Variants in USP40 observed in about 807,000 individuals in gnomAD.
USP40 encodes ubiquitin specific peptidase 40.
Under a neutral mutation model 166.2 loss-of-function variants are expected in USP40, and 143 were observed. The ratio of observed to expected loss-of-function variants is 0.86; its 90% CI spans 0.75 to 0.99. The LOEUF is 0.99. USP40 is among the 50% of genes least tolerant of loss of function. The pLI, the probability that USP40 is intolerant of heterozygous loss-of-function variation, is 0.00. For synonymous variants in USP40, 498 were observed against 524.0 expected, an observed-to-expected ratio of 0.95 and a Z score of 0.68; for missense variants, 1,444 against 1,479.7, an observed-to-expected ratio of 0.98 and a Z score of 0.40.
intron 18 of USP40, among the ~76,000 whole-genome samples, chr2:233,517,972 A>G (rs2067356084): frequency 1.3e-5 from 2 of 150,514 alleles, no homozygotes; most frequent in Admixed American, 6.6e-5. Context: ...GTGGGAGCTA[A>G]GCTATGAGGA....
intron 20 of USP40, 135 bp from the exon 21 acceptor site, chr2:233,510,270 C>T (rs375955795): frequency 1.1e-4 from 72 of 630,646 alleles, no homozygotes; most frequent in African/African-American, 2.4e-4. Context: ...TATGAAAATA[C>T]GACTATGATT....
intron 18 of USP40, among the ~76,000 whole-genome samples, chr2:233,516,036 C>T (rs370630141): frequency 2.0e-5 from 3 of 152,180 alleles, no homozygotes; most frequent in African/African-American, 7.2e-5. Flanking sequence ...ATATTTTAGG[C>T]TTCACGGGCC....
chr2:233,498,692 G>T (rs1396154789), intron 22 of USP40, 80 bp from the exon 23 acceptor site: 2 of 1,136,934 alleles, frequency 1.8e-6, no homozygotes, highest in African/African-American at 3.1e-5. Context: ...AGAATGTCTT[G>T]CACCCAGAGC....
chr2:233,524,547 A>G lies in USP40; in HGVS notation c.1826T>C (p.Leu609Pro), dbSNP rs1404521075. The change falls in exon 15 of 32, where the codon CTG (leucine) becomes CCG (proline). Residue 609 changes from leucine to proline, a missense_variant. Coordinates refer to ENST00000678225, the MANE Select transcript of USP40 (RefSeq NM_001365479.2). ...YQSLGGDELT[L>P]CETEIADGED... ...CCCATCAGCAATTTCAGTTTCACAC[A>G]GTGTCAGTTCATCCCCTAGAAAGAG... The G allele has an allele frequency of 6.2e-7, 1 of 1,603,990 alleles. No homozygotes were observed. Among genetic ancestry groups the G allele is most frequent in the East Asian group, 2.3e-5 (1 of 44,118 alleles).
chr2:233,517,379 G>GTTTTTTTTTTTTTTTTTTTTTTTTTTTT (rs202226925), intron 18 of USP40, among the ~76,000 whole-genome samples: 2 of 137,140 alleles, frequency 1.5e-5, no homozygotes, highest in Admixed American at 7.3e-5. Flanking sequence ...CACATGCATG[G>GTTTTTTTTTTTTTTTTTTTTTTTTTTTT]TTTTTTGTTT....
At chr2:233,536,195 T>C (rs1270966842) in intron 10 of USP40, among the ~76,000 whole-genome samples, 1 of 152,120 alleles carries the variant, frequency 6.6e-6, no homozygotes, top group Non-Finnish European at 1.5e-5. Context: ...ATTATAAATA[T>C]GTTAAAGAAT....
intron 18 of USP40, among the ~76,000 whole-genome samples, chr2:233,516,862 GAAAA>G (rs774667692): frequency 8.8e-6 from 1 of 113,064 alleles, no homozygotes. Flanking sequence ...GTCTCGAATT[GAAAA>G]AAAAAAAAAA....
At chr2:233,522,800 T>C (rs1399789982) in intron 16 of USP40, among the ~76,000 whole-genome samples, 1 of 152,244 alleles carries the variant, frequency 6.6e-6, no homozygotes, top group Non-Finnish European at 1.5e-5. Context: ...ATAATGTTAA[T>C]ACCTTCTTCA....
intron 3 of USP40, 126 bp from the exon 4 acceptor site, chr2:233,560,050 A>G (rs1020457279): frequency 8.8e-6 from 5 of 565,148 alleles, no homozygotes; most frequent in African/African-American, 5.8e-5. Context: ...TAAATATCCT[A>G]TTATAAGGGA....
chr2:233,551,570 G>C (rs2070566855), intron 6 of USP40, 51 bp from the exon 7 acceptor site: 1 of 1,506,186 alleles, frequency 6.6e-7, no homozygotes, highest in African/African-American at 1.4e-5. Flanking sequence ...TTATATAAAA[G>C]GATACATAAT....
chr2:233,488,826 A>G (rs914725767), intron 27 of USP40, among the ~76,000 whole-genome samples: 1 of 152,126 alleles, frequency 6.6e-6, no homozygotes, highest in Admixed American at 6.5e-5. Context: ...GGATCACTTG[A>G]GCCCAGGAGG....
At chr2:233,514,889 ACTCC>A (rs779698171) in intron 18 of USP40, among the ~76,000 whole-genome samples, 2 of 151,654 alleles carry the variant, frequency 1.3e-5, no homozygotes, top group Non-Finnish European at 2.9e-5. Flanking sequence ...CCCCCCTAAA[ACTCC>A]CTGTCAATTT....
rs2068728885 is a variant in USP40 at position 233,533,775 on chromosome 2, A to G, written c.1175T>C (p.Leu392Ser). Residue 392 changes from leucine to serine, a missense_variant, in exon 11 of 32, where the codon TTA becomes TCA. By Grantham distance (145) the Leu-to-Ser change is moderately radical. Coordinates refer to ENST00000678225, the MANE Select transcript of USP40 (RefSeq NM_001365479.2). ...RKQHGPLRKF[L>S]QLHSQIFLLS... ...TAGAAATATCTGAGAATGGAGCTGT[A>G]AGAACTACACAGAAACAAAAAAAAA... 1.3e-6 allele frequency: 2 copies of G among 1,569,780 alleles called. No individual in the cohort carries two copies. Among genetic ancestry groups the G allele is most frequent in the Admixed American group, 1.9e-5 (1 of 53,002 alleles).
chr2:233,542,480 G>C, intron 8 of USP40, 117 bp from the exon 9 acceptor site: 2 of 600,590 alleles, frequency 3.3e-6, no homozygotes, highest in Non-Finnish European at 5.8e-6. Context: ...GGAGGCCGAG[G>C]CAGAGGGACT....
At chr2:233,490,947 G>A in intron 26 of USP40, 1 of 681,454 alleles carries the variant, frequency 1.5e-6, no homozygotes, top group Non-Finnish European at 2.8e-6. Flanking sequence ...TGAAACAAAA[G>A]CACAGCATGC....
intron 23 of USP40, among the ~76,000 whole-genome samples, 186 bp from the exon 24 acceptor site, chr2:233,497,018 G>A (rs2065786742): frequency 6.6e-6 from 1 of 152,172 alleles, no homozygotes; most frequent in African/African-American, 2.4e-5. Flanking sequence ...AAATTGTGGG[G>A]CATAAGCTGT....
chr2:233,479,872 C>T (rs562449278), intron 31 of USP40, among the ~76,000 whole-genome samples: 97 of 152,242 alleles, frequency 6.4e-4, no homozygotes, highest in South Asian at 1.7e-3. Flanking sequence ...AGCCCAGACC[C>T]CGGAGAGCAG....
At position 233,496,815 on chromosome 2, in the gene USP40, T is replaced by G; in HGVS notation, c.2733A>C (p.Glu911Asp). Residue 911 changes from glutamate (E) to aspartate (D), a missense_variant, in exon 24 of 32, where the codon GAA becomes GAC. Glu to Asp is a conservative substitution (Grantham distance 45, BLOSUM62 2). Coordinates refer to ENST00000678225, the MANE Select transcript of USP40 (RefSeq NM_001365479.2). ...PLCEEDATLKELLICSGDTLL... is the reference protein window; with the variant it reads ...PLCEEDATLKDLLICSGDTLL... ...AAGTATCTCCAGAACATATCAGAAGTTCTTTCAGTGTTGCATCCTGGGAAG... is the reference window on the plus strand; with the variant it reads ...AAGTATCTCCAGAACATATCAGAAGGTCTTTCAGTGTTGCATCCTGGGAAG... The G allele has an allele frequency of 1.2e-6, 2 of 1,612,486 alleles. No individual in the cohort carries two copies. The highest frequency in any genetic ancestry group is 1.7e-6 in the Non-Finnish European group (2 of 1,179,322).
In USP40 at chr2:233,524,014, G is replaced by A. The variant is rs185782820; in HGVS notation, c.1881+478C>T. 2.9e-4 allele frequency among the ~76,000 whole-genome samples: 44 copies of A among 152,278 alleles called. No individual in the cohort carries two copies. In the East Asian group the frequency reaches 4.2e-3, roughly 15 times the overall value. Reference sequence around the variant, plus strand: ...ACGCACAACCTGGTATAACGGAGGCGCTCAAGAAATGTCTCCTTGGCGTAC... The same window carrying A: ...ACGCACAACCTGGTATAACGGAGGCACTCAAGAAATGTCTCCTTGGCGTAC... On this transcript the variant is annotated intron_variant, in intron 15 of 31. Coordinates refer to ENST00000678225, the MANE Select transcript of USP40 (RefSeq NM_001365479.2).
Sources: gnomAD v4.1 joint callset for allele counts (sites outside exome capture counted in the v4.1 genomes callset) on GRCh38, gnomAD v4.1.1 for gene constraint, MANE v1.5 for transcripts, NCBI Gene and HGNC (gene_info 2026-07-23, HGNC 2026-07-21) for gene names.